ADAMTS6: variants seen among roughly 807,000 people sequenced by gnomAD.
The protein encoded by ADAMTS6 is A disintegrin and metalloproteinase with thrombospondin motifs 6.
Under a neutral mutation model 144.3 loss-of-function variants are expected in ADAMTS6, and 23 were observed. That is an observed-to-expected ratio of 0.16 (90% confidence interval 0.11 to 0.23). ADAMTS6 has a LOEUF of 0.23. ADAMTS6 is among the 10% of genes least tolerant of loss of function. ADAMTS6 has a pLI of 1.00. For missense variants in ADAMTS6, 999 were observed against 1,379.6 expected (o/e 0.72, Z 4.37); for synonymous variants, 444 against 457.5 (o/e 0.97, Z 0.38).
intron 7 of ADAMTS6, among the ~76,000 whole-genome samples, chr5:65,383,065 C>T (rs1250314253): frequency 1.3e-5 from 2 of 152,162 alleles, no homozygotes; most frequent in African/African-American, 2.4e-5. Flanking sequence ...ACTAAGCTCT[C>T]AGGACCTAGT....
Position 65,151,725 on chromosome 5 carries a change from C to T in ADAMTS6, c.*111G>A. ...AGGGCTGACCAGTGGTTACGTTTTC[C>T]ACAGGGTAATGCATTTGCAAGGACA... On this transcript the variant is annotated 3_prime_UTR_variant, in exon 25 of 25. Transcript: ENST00000381055. 2 of 914,344 alleles carry T rather than the reference C, an allele frequency of 2.2e-6. No homozygotes were observed. Among genetic ancestry groups the T allele is most frequent in the Non-Finnish European group, 3.4e-6 (2 of 591,074 alleles). 56.6% of individuals were successfully genotyped at this position (914,344 alleles called of 1,614,324 possible).
chr5:65,171,462 T>G (rs1753625471), intron 23 of ADAMTS6, among the ~76,000 whole-genome samples: 1 of 152,172 alleles, frequency 6.6e-6, no homozygotes, highest in Admixed American at 6.5e-5. Context: ...ACATAGAGAT[T>G]TCTTGCTATC....
At chr5:65,346,925 C>T (rs1748378058) in intron 7 of ADAMTS6, among the ~76,000 whole-genome samples, 1 of 149,632 alleles carries the variant, frequency 6.7e-6, no homozygotes, top group Non-Finnish European at 1.5e-5. Flanking sequence ...AAAAAGAAAT[C>T]AAGAAAATAA....
intron 9 of ADAMTS6, among the ~76,000 whole-genome samples, chr5:65,316,824 C>T (rs200393482): frequency 3.3e-5 from 5 of 150,778 alleles, no homozygotes; most frequent in African/African-American, 4.9e-5. Context: ...TTTTTTGAGA[C>T]GGAGTCTTGC....
At chr5:65,164,155 C>T (rs933026207) in intron 24 of ADAMTS6, among the ~76,000 whole-genome samples, 4 of 151,928 alleles carry the variant, frequency 2.6e-5, no homozygotes, top group South Asian at 2.1e-4. Flanking sequence ...AGACAGTGGG[C>T]GCAGGCCAGT....
At chr5:65,221,433 C>A (rs1757316936) in intron 18 of ADAMTS6, among the ~76,000 whole-genome samples, 1 of 152,036 alleles carries the variant, frequency 6.6e-6, no homozygotes, top group South Asian at 2.1e-4. Context: ...TCTTCAATAC[C>A]CATTCATGAC....
chr5:65,372,683 C>T (rs1489865979), intron 7 of ADAMTS6, among the ~76,000 whole-genome samples: 6 of 152,142 alleles, frequency 3.9e-5, no homozygotes, highest in Non-Finnish European at 8.8e-5. Flanking sequence ...CCACTGTCAA[C>T]ATTAGACAGA....
At chr5:65,334,996 T>C (rs1747165711) in intron 7 of ADAMTS6, among the ~76,000 whole-genome samples, 1 of 152,172 alleles carries the variant, frequency 6.6e-6, no homozygotes, top group Non-Finnish European at 1.5e-5. Flanking sequence ...AAGTAAAGCT[T>C]CACAAACTAC....
intron 7 of ADAMTS6, among the ~76,000 whole-genome samples, chr5:65,376,167 C>T (rs1001617794): frequency 1.7e-4 from 26 of 151,952 alleles, no homozygotes; most frequent in Admixed American, 2.0e-4. Context: ...TGCTAGATGA[C>T]GAGTTAGTGG....
At chr5:65,366,575 A>G (rs1331252642) in intron 7 of ADAMTS6, among the ~76,000 whole-genome samples, 4 of 152,192 alleles carry the variant, frequency 2.6e-5, no homozygotes, top group African/African-American at 9.6e-5. Flanking sequence ...ATTCTACTAT[A>G]TAAGATGTGT....
At chr5:65,405,975 G>C (rs904143348) in intron 7 of ADAMTS6, among the ~76,000 whole-genome samples, 1 of 152,184 alleles carries the variant, frequency 6.6e-6, no homozygotes, top group Admixed American at 6.5e-5. Context: ...AAGAATGCTT[G>C]TGATTTTTAC....
chr5:65,409,604 T>C (rs2150180296), intron 7 of ADAMTS6, among the ~76,000 whole-genome samples: 1 of 152,252 alleles, frequency 6.6e-6, no homozygotes, highest in East Asian at 1.9e-4. Flanking sequence ...TCTGACAATA[T>C]TCCAATCAGT....
chr5:65,157,745 G>A (rs758218082), intron 24 of ADAMTS6, among the ~76,000 whole-genome samples: 8 of 152,188 alleles, frequency 5.3e-5, no homozygotes, highest in Non-Finnish European at 1.0e-4. Flanking sequence ...ACAGGAGTTG[G>A]GGTGGGGAAT....
At chr5:65,244,643 A>G (rs115942175) in intron 14 of ADAMTS6, among the ~76,000 whole-genome samples, 153 of 152,288 alleles carry the variant, frequency 1.0e-3, no homozygotes, top group African/African-American at 3.5e-3. Context: ...TATATTATCT[A>G]TATACTCCTT....
At chr5:65,235,599 G>A (rs992583340) in intron 15 of ADAMTS6, among the ~76,000 whole-genome samples, 2 of 152,148 alleles carry the variant, frequency 1.3e-5, no homozygotes, top group Non-Finnish European at 2.9e-5. Context: ...TGTGAAAAGA[G>A]AGACTGGCCT....
chr5:65,432,808 C>T (rs1757096506), intron 7 of ADAMTS6, among the ~76,000 whole-genome samples: 3 of 152,122 alleles, frequency 2.0e-5, no homozygotes, highest in African/African-American at 7.2e-5. Flanking sequence ...CCTTTGTTCA[C>T]TACATGTCAC....
chr5:65,460,400 A>G, intron 3 of ADAMTS6, 62 bp from the exon 4 acceptor site: 1 of 1,444,108 alleles, frequency 6.9e-7, no homozygotes, highest in Non-Finnish European at 9.3e-7. Context: ...AGTTATCATT[A>G]TTACCAAGAG....
chr5:65,316,364 G>T (rs1467129377), intron 9 of ADAMTS6, among the ~76,000 whole-genome samples: 1 of 151,812 alleles, frequency 6.6e-6, no homozygotes, highest in Non-Finnish European at 1.5e-5. Flanking sequence ...AAAACTGCAG[G>T]ATACACATTC....
rs1231384086 is a variant in ADAMTS6, at chr5:65,215,000, C to T, written c.2437-68G>A. 1 of 1,517,452 alleles carries T rather than the reference C, an allele frequency of 6.6e-7. No individual in the cohort carries two copies. The highest frequency in any genetic ancestry group is 8.9e-7 in the Non-Finnish European group (1 of 1,129,922). The allele number at this position is 1,517,452 out of a possible 1,614,324, so 94.0% of individuals were successfully genotyped here. ...AGCCTTCATTCAGATATTTATTATT[C>T]CTTTTGAAGAAGAAAATGTCAAAAC... On this transcript the variant is annotated intron_variant, in intron 19 of 24. Transcript: ENST00000381055. The surrounding 1 kb of genome is among the most constrained non-coding windows in gnomAD (Gnocchi z 4.6).
Sources: allele counts gnomAD v4.1 joint callset (sites outside exome capture counted in the v4.1 genomes callset), GRCh38; gene constraint gnomAD v4.1.1; non-coding constraint Gnocchi (gnomAD v3.1); transcripts MANE v1.5; gene names NCBI Gene and HGNC (gene_info 2026-07-23, HGNC 2026-07-21).